PAM: variants seen among roughly 807,000 people sequenced by gnomAD.
PAM encodes the protein peptidyl-glycine alpha-amidating monooxygenase.
A neutral mutation model predicts 122.1 loss-of-function variants in PAM; 72 were observed. The observed-to-expected ratio is 0.59, with a 90% CI of 0.49 to 0.72. The LOEUF is 0.72. Ranked by LOEUF, PAM falls within the 30% of genes least tolerant of loss-of-function variation. The pLI is 0.00. For missense variants in PAM, 1,106 were observed against 1,183.7 expected (o/e 0.93, Z 0.96); for synonymous variants, 389 against 404.4 (o/e 0.96, Z 0.46).
intron 1 of PAM, among the ~76,000 whole-genome samples, chr5:102,800,888 T>G (rs565734303): frequency 5.9e-5 from 9 of 152,050 alleles, no homozygotes; most frequent in Non-Finnish European, 1.0e-4. Flanking sequence ...AATCCCCTAC[T>G]GCTTGGGAAA....
intron 5 of PAM, among the ~76,000 whole-genome samples, chr5:102,919,562 G>A (rs746401476): frequency 2.6e-5 from 4 of 151,936 alleles, no homozygotes; most frequent in African/African-American, 7.2e-5. Flanking sequence ...ATCCTTGTCA[G>A]TATAAATAAA....
intron 1 of PAM, among the ~76,000 whole-genome samples, chr5:102,763,789 G>C (rs538075455): frequency 5.9e-5 from 9 of 152,198 alleles, no homozygotes; most frequent in Non-Finnish European, 8.8e-5. Context: ...GGACCCCTTG[G>C]CTGGTGGCCG....
intron 1 of PAM, among the ~76,000 whole-genome samples, chr5:102,810,759 C>T (rs1021437000): frequency 6.6e-6 from 1 of 151,850 alleles, no homozygotes; most frequent in African/African-American, 2.4e-5. Context: ...ACCTGGGAGG[C>T]GGAGGTTGTG....
intron 3 of PAM, among the ~76,000 whole-genome samples, chr5:102,898,601 A>C (rs1246442354): frequency 6.6e-6 from 1 of 151,640 alleles, no homozygotes; most frequent in Non-Finnish European, 1.5e-5. Flanking sequence ...CTGTGGCTCT[A>C]ATCTAGTTCA....
At chr5:102,868,992 AT>A (rs1786486931) in intron 3 of PAM, among the ~76,000 whole-genome samples, 1 of 152,200 alleles carries the variant, frequency 6.6e-6, no homozygotes, top group African/African-American at 2.4e-5. Context: ...AAGAACATAC[AT>A]TGTTTAAATA....
intron 1 of PAM, among the ~76,000 whole-genome samples, chr5:102,816,117 G>A (rs530694644): frequency 1.3e-3 from 197 of 152,262 alleles, no homozygotes; most frequent in Non-Finnish European, 1.9e-3. Context: ...CTGACAGCCA[G>A]TAATTATTGG....
chr5:102,780,757 TTC>T (rs1481799663), intron 1 of PAM, among the ~76,000 whole-genome samples: 1 of 16,436 alleles, frequency 6.1e-5, no homozygotes, highest in Non-Finnish European at 1.4e-4. Context: ...TTCTTTCTCT[TTC>T]TTTCTTTCTT....
At chr5:102,899,986 C>T (rs1488693801) in intron 3 of PAM, among the ~76,000 whole-genome samples, 7 of 151,478 alleles carry the variant, frequency 4.6e-5, no homozygotes, top group East Asian at 3.9e-4. Flanking sequence ...GAGAGCTGTG[C>T]GGTTATCTCC....
At position 102,787,448 on chromosome 5, in the gene PAM, C is replaced by CAA. The variant is rs553269064; in HGVS notation, c.-374+32103_-374+32104dup. Among the ~76,000 whole-genome samples, 16 of 152,044 alleles carry CAA rather than the reference C, an allele frequency of 1.1e-4. No individual in the cohort carries two copies. In the East Asian group the frequency reaches 2.9e-3, roughly 28 times the overall value. On this transcript the variant is annotated intron_variant, in intron 1 of 25. Coordinates refer to ENST00000438793, the MANE Select transcript of PAM (RefSeq NM_001177306.2). ...GACAGATCTGTCCCAACTGTGGGGA[C>CAA]AAAACTGCCTCCTTTAACAGCTAAA... is the stretch of plus-strand genomic sequence containing the variant.
chr5:102,836,865 AG>A (rs1777216810), intron 1 of PAM, among the ~76,000 whole-genome samples: 1 of 148,796 alleles, frequency 6.7e-6, no homozygotes, highest in Non-Finnish European at 1.5e-5. Flanking sequence ...AAACCGAGAG[AG>A]AGAGAGAGAG....
chr5:102,969,651 G>A (rs2150372023), intron 14 of PAM, among the ~76,000 whole-genome samples: 1 of 152,300 alleles, frequency 6.6e-6, no homozygotes. Flanking sequence ...ACTCAAAAAA[G>A]TGTCATCACT....
At chr5:102,820,781 G>A (rs915397707) in intron 1 of PAM, among the ~76,000 whole-genome samples, 8 of 152,134 alleles carry the variant, frequency 5.3e-5, no homozygotes, top group African/African-American at 1.9e-4. Flanking sequence ...ATGCTATGTA[G>A]TACTTATGGG....
intron 1 of PAM, among the ~76,000 whole-genome samples, chr5:102,756,916 C>A (rs1750567013): frequency 6.6e-6 from 1 of 152,154 alleles, no homozygotes; most frequent in South Asian, 2.1e-4. Context: ...CCTGAAGGGC[C>A]TTCCAAGGTA....
chr5:102,952,072 GC>G (rs1368275356), intron 12 of PAM, among the ~76,000 whole-genome samples: 1 of 151,992 alleles, frequency 6.6e-6, no homozygotes. Context: ...TTACTTAAAT[GC>G]CCCAGGTTAT....
chr5:103,015,168 C>A (rs749314296), intron 21 of PAM, among the ~76,000 whole-genome samples: 2 of 152,156 alleles, frequency 1.3e-5, no homozygotes, highest in Non-Finnish European at 2.9e-5. Flanking sequence ...TGCTGCTTAA[C>A]CTTTTCATTC....
At chr5:102,867,042 G>A (rs948552588) in intron 2 of PAM, among the ~76,000 whole-genome samples, 1 of 152,120 alleles carries the variant, frequency 6.6e-6, no homozygotes, top group East Asian at 1.9e-4. Context: ...ATGTAGCCTG[G>A]TTGATTGCAT....
At chr5:102,894,470 G>A (rs1419451781) in intron 3 of PAM, among the ~76,000 whole-genome samples, 1 of 151,478 alleles carries the variant, frequency 6.6e-6, no homozygotes, top group Admixed American at 6.6e-5. Context: ...CTGTTACTTG[G>A]CCAGCCAGTT....
intron 7 of PAM, among the ~76,000 whole-genome samples, chr5:102,935,604 G>T (rs749528663): frequency 6.6e-6 from 1 of 151,998 alleles, no homozygotes; most frequent in South Asian, 2.1e-4. Flanking sequence ...CCACCAAATC[G>T]CTCGACAGTT....
rs981609605 is a variant in PAM at position 102,903,193 on chromosome 5, T to C, written c.268+1780T>C. ...TAACTATTTTCAGTATTTCTTCCTT[T>C]GTTTATTACTTGGAGGATTGCATGG... On this transcript the variant is annotated intron_variant, in intron 4 of 25. Transcript: ENST00000438793. Among the ~76,000 whole-genome samples, 2 of 151,554 alleles carry C rather than the reference T, an allele frequency of 1.3e-5. 1 individual carries two copies. Among genetic ancestry groups the C allele is most frequent in the Admixed American group, 1.3e-4 (2 of 15,162 alleles).
Sources: allele counts gnomAD v4.1 joint callset (sites outside exome capture counted in the v4.1 genomes callset), GRCh38; gene constraint gnomAD v4.1.1; transcripts MANE v1.5; gene names NCBI Gene and HGNC (gene_info 2026-07-23, HGNC 2026-07-21).